DDX6: variants seen among roughly 807,000 people sequenced by gnomAD.
DDX6 encodes the protein DEAD-box helicase 6.
A neutral mutation model predicts 60.6 loss-of-function variants in DDX6; 7 were observed. The observed-to-expected ratio is 0.12, with a 90% CI of 0.07 to 0.22. The LOEUF is 0.22. Among genes scored for constraint, DDX6 ranks in the 10% least tolerant of loss-of-function variants. The pLI, the probability that DDX6 is intolerant of heterozygous loss-of-function variation, is 1.00. For missense variants in DDX6, 270 were observed against 589.9 expected (o/e 0.46, Z 5.62); for synonymous variants, 207 against 201.0 (o/e 1.03, Z -0.25).
intron 6 of DDX6, among the ~76,000 whole-genome samples, chr11:118,764,638 A>G (rs926367324): frequency 7.2e-5 from 11 of 152,188 alleles, no homozygotes; most frequent in African/African-American, 2.7e-4. Context: ...CCCCGTCTCT[A>G]CTAAAAACAC....
intron 4 of DDX6, among the ~76,000 whole-genome samples, chr11:118,769,927 G>C (rs1273755784): frequency 6.6e-6 from 1 of 151,976 alleles, no homozygotes; most frequent in Non-Finnish European, 1.5e-5. Flanking sequence ...CCAGGATGGT[G>C]TTGATCTCCT....
At chr11:118,757,129 G>A in intron 10 of DDX6, 42 bp downstream of exon 10, 1 of 1,002,506 alleles carries the variant, frequency 1.0e-6, no homozygotes, top group Non-Finnish European at 1.4e-6. Context: ...TAAAGAAAGA[G>A]ATTTCTTATT....
chr11:118,781,230 C>G, intron 2 of DDX6, 46 bp from the exon 3 acceptor site: 2 of 1,220,384 alleles, frequency 1.6e-6, no homozygotes, highest in Non-Finnish European at 2.4e-6. Context: ...TCATAGCATC[C>G]TAACAAAGAT....
At chr11:118,790,583 C>G (rs1862239018) in intron 1 of DDX6, among the ~76,000 whole-genome samples, 1 of 152,136 alleles carries the variant, frequency 6.6e-6, no homozygotes, top group African/African-American at 2.4e-5. Flanking sequence ...ACCATCATCC[C>G]CCTAAGTCCT....
chr11:118,790,058 T>C (rs1016977153), intron 1 of DDX6: 2 of 152,214 alleles, frequency 1.3e-5, no homozygotes, highest in East Asian at 1.9e-4. Flanking sequence ...AGTATCGTCA[T>C]CGCCAACAAG....
chr11:118,754,707 GCTTGTTAAGGTTTCTCAT>G lies in DDX6; in HGVS notation c.1439_*4del. 6.2e-7 allele frequency: 1 copy of G among 1,602,288 alleles called. No individual in the cohort carries two copies. Among genetic ancestry groups the G allele is most frequent in the Non-Finnish European group, 8.5e-7 (1 of 1,176,666 alleles). ...TAGCTGTTCTGTCAGGGACGTACAT[GCTTGTTAAGGTTTCTCAT>G]CTTCTACAGGCTCGCTGTGGTATTC... is the stretch of plus-strand genomic sequence containing the variant. On this transcript the variant is annotated stop_lost and 3_prime_UTR_variant, in exon 13 of 14. Coordinates refer to ENST00000534980, the MANE Select transcript of DDX6 (RefSeq NM_004397.6).
intron 8 of DDX6, chr11:118,759,424 T>C (rs1861092170): frequency 1.9e-5 from 3 of 153,902 alleles, no homozygotes. Flanking sequence ...TGAGTATTCC[T>C]TACCCAAAAT....
chr11:118,748,531 A>G lies in DDX6; in HGVS notation c.*3574T>C, dbSNP rs781878025. 13 of 152,172 alleles carry G rather than the reference A, an allele frequency of 8.5e-5. No individual in the cohort carries two copies. Among genetic ancestry groups the G allele is most frequent in the Non-Finnish European group, 1.0e-4 (7 of 68,030 alleles). The allele number at this position is 152,172 out of a possible 1,614,324, so 9.4% of individuals were successfully genotyped here. On this transcript the variant is annotated 3_prime_UTR_variant, in exon 14 of 14. Transcript: ENST00000534980. ...GCAGGAAAATGATTCCACAATAACA[A>G]ATTTAAAGATACCTAGAACATTGAA...
At chr11:118,791,375 C>T (rs937885625), upstream of DDX6, 4 of 152,084 alleles carry the variant, frequency 2.6e-5, no homozygotes, top group Non-Finnish European at 5.9e-5. Context: ...ATGGAGGGCC[C>T]TTCTCTCACA....
At chr11:118,785,822 T>C (rs926670460) in intron 2 of DDX6, 17 of 393,192 alleles carry the variant, frequency 4.3e-5, no homozygotes, top group Non-Finnish European at 7.7e-5. Flanking sequence ...AAACCATTTA[T>C]ACAAAATTTG....
intron 9 of DDX6, among the ~76,000 whole-genome samples, chr11:118,757,953 C>CA: frequency 6.6e-6 from 1 of 152,256 alleles, no homozygotes; most frequent in Middle Eastern, 3.4e-3. Context: ...ACTTCAGCAC[C>CA]ATGTGTAGGG....
intron 1 of DDX6, 116 bp from the exon 2 acceptor site, chr11:118,786,634 G>A (rs183548278): frequency 3.8e-5 from 7 of 182,332 alleles, no homozygotes; most frequent in Admixed American, 1.9e-4. Flanking sequence ...TAATAATACA[G>A]CTACACTTAG....
At chr11:118,775,336 A>G (rs531499926) in intron 4 of DDX6, among the ~76,000 whole-genome samples, 16 of 152,260 alleles carry the variant, frequency 1.1e-4, no homozygotes, top group African/African-American at 3.6e-4. Flanking sequence ...GAATTTACTC[A>G]TGTAACCAAA....
chr11:118,748,901 A>T lies in DDX6; in HGVS notation c.*3204T>A, dbSNP rs1303469339. 6.6e-6 allele frequency: 1 copy of T among 152,228 alleles called. No individual in the cohort carries two copies. The highest frequency in any genetic ancestry group is 1.5e-5 in the Non-Finnish European group (1 of 68,040). The allele number at this position is 152,228 out of a possible 1,614,324, so 9.4% of individuals were successfully genotyped here. A position where few individuals can be genotyped will look rare whatever the true frequency, so the allele number is the denominator to read the frequency against. ...GGCAAAGGAAAGATGCTCCCATCTCATTCTGAAAACAAATACTGATAACCA... is the reference window on the plus strand; with the variant it reads ...GGCAAAGGAAAGATGCTCCCATCTCTTTCTGAAAACAAATACTGATAACCA... On this transcript the variant is annotated 3_prime_UTR_variant, in exon 14 of 14. Transcript: ENST00000534980.
At chr11:118,770,214 CG>C (rs1218848813) in intron 4 of DDX6, among the ~76,000 whole-genome samples, 4 of 151,524 alleles carry the variant, frequency 2.6e-5, no homozygotes, top group Non-Finnish European at 5.9e-5. Flanking sequence ...TTAGTAGAGA[CG>C]GGGTGTTTCA....
At chr11:118,757,149 C>G in intron 10 of DDX6, 22 bp downstream of exon 10, 1 of 1,175,904 alleles carries the variant, frequency 8.5e-7, no homozygotes, top group Non-Finnish European at 1.2e-6. Flanking sequence ...TAAATTTGTG[C>G]AAGTTCTAGT....
intron 2 of DDX6, among the ~76,000 whole-genome samples, chr11:118,785,334 G>A (rs555017095): frequency 6.6e-6 from 1 of 151,962 alleles, no homozygotes; most frequent in East Asian, 1.9e-4. Flanking sequence ...AAAATTCTTA[G>A]TTCCCTTTTT....
In DDX6 at chr11:118,749,054, T is replaced by C. The variant is rs1220584346; in HGVS notation, c.*3051A>G. ...GAAAGATCATTTTAGAATAAATGTA[T>C]TCCATTCCTATGGGAGAGGCAAAAC... On this transcript the variant is annotated 3_prime_UTR_variant, in exon 14 of 14. Coordinates refer to ENST00000534980, the MANE Select transcript of DDX6 (RefSeq NM_004397.6). 1 of 152,200 alleles carries C rather than the reference T, an allele frequency of 6.6e-6. No individual in the cohort carries two copies. Among genetic ancestry groups the C allele is most frequent in the Non-Finnish European group, 1.5e-5 (1 of 68,034 alleles). 9.4% of individuals were successfully genotyped at this position (152,200 alleles called of 1,614,324 possible). A position where few individuals can be genotyped will look rare whatever the true frequency, so the allele number is the denominator to read the frequency against.
At chr11:118,772,769 GT>G (rs1412125796) in intron 4 of DDX6, among the ~76,000 whole-genome samples, 4 of 152,106 alleles carry the variant, frequency 2.6e-5, no homozygotes, top group Non-Finnish European at 5.9e-5. Context: ...TGACTGAAGA[GT>G]ATTTGTTGTG....
Sources: allele counts gnomAD v4.1 joint callset (sites outside exome capture counted in the v4.1 genomes callset), GRCh38; gene constraint gnomAD v4.1.1; transcripts MANE v1.5; gene names NCBI Gene and HGNC (gene_info 2026-07-23, HGNC 2026-07-21).